COPS5: variants seen among roughly 807,000 people sequenced by gnomAD.
COPS5 encodes the protein COP9 signalosome complex subunit 5.
A neutral mutation model predicts 44.4 loss-of-function variants in COPS5; 8 were observed. The observed-to-expected ratio is 0.18, with a 90% CI of 0.11 to 0.32. The LOEUF is 0.32. Among genes scored for constraint, COPS5 ranks in the 10% least tolerant of loss-of-function variants. The probability of loss-of-function intolerance (pLI) is 1.00; values close to 1 mark genes in which losing one functional copy is unlikely to be tolerated. For missense variants in COPS5, 159 were observed against 406.4 expected, an observed-to-expected ratio of 0.39 and a Z score of 5.23; for synonymous variants, 122 against 142.8, an observed-to-expected ratio of 0.85 and a Z score of 1.04.
At chr8:67,056,636 GAAA>G (rs375914469) in intron 4 of COPS5, 32 bp from the exon 5 acceptor site, 865 of 14,102 alleles carry the variant, frequency 0.061, 21 homozygotes, top group Middle Eastern at 0.17. Context: ...AGAAGATTAA[GAAA>G]AAAAAAAAAA....
chr8:67,061,499 C>G, intron 1 of COPS5: 1 of 433,776 alleles, frequency 2.3e-6, no homozygotes, highest in Non-Finnish European at 4.4e-6. Flanking sequence ...TTTCTGAAAA[C>G]AGCTGCAATC....
At chr8:67,060,439 C>A in intron 1 of COPS5, 1 of 1,288,360 alleles carries the variant, frequency 7.8e-7, no homozygotes, top group Non-Finnish European at 1.0e-6. Context: ...CAGAAAGAAT[C>A]CAAATTTAAT....
At chr8:67,046,610 C>T (rs1372694526) in intron 6 of COPS5, among the ~76,000 whole-genome samples, 1 of 151,834 alleles carries the variant, frequency 6.6e-6, no homozygotes, top group Non-Finnish European at 1.5e-5. Context: ...CACCTGAGGT[C>T]AGGAGTTCGA....
At chr8:67,055,423 T>C (rs576653434) in intron 5 of COPS5, among the ~76,000 whole-genome samples, 51 of 152,254 alleles carry the variant, frequency 3.3e-4, no homozygotes, top group Admixed American at 8.5e-4. Context: ...AAGTGCTTGA[T>C]TGGGGCTCCA....
intron 5 of COPS5, among the ~76,000 whole-genome samples, chr8:67,056,005 T>C (rs559750965): frequency 6.6e-6 from 1 of 152,194 alleles, no homozygotes; most frequent in Admixed American, 6.5e-5. Flanking sequence ...GTAGAAATTA[T>C]ATATTTTGAG....
At chr8:67,047,690 CTTGA>C in intron 6 of COPS5, 1 of 621,984 alleles carries the variant, frequency 1.6e-6, no homozygotes, top group South Asian at 1.8e-5. Flanking sequence ...TTAACCTTTT[CTTGA>C]TTATTAATGT....
intron 6 of COPS5, among the ~76,000 whole-genome samples, chr8:67,050,832 C>A (rs1585710618): frequency 6.6e-6 from 1 of 151,954 alleles, no homozygotes; most frequent in Non-Finnish European, 1.5e-5. Flanking sequence ...GAGTTAAGCC[C>A]TATTCCTCAA....
chr8:67,057,961 T>C, intron 3 of COPS5, 122 bp downstream of exon 3: 1 of 1,018,206 alleles, frequency 9.8e-7, no homozygotes, highest in South Asian at 1.6e-5. Flanking sequence ...GAATTCACAT[T>C]GAAACCTAGG....
In COPS5 at chr8:67,046,375, C is replaced by T. The variant is rs1816699137; in HGVS notation, c.772-415G>A. ...GTCGATAATTCCTACCTTAGAGCTACTGTGAAAGTTAAATGAAGTAATGCA... is the reference window on the plus strand; with the variant it reads ...GTCGATAATTCCTACCTTAGAGCTATTGTGAAAGTTAAATGAAGTAATGCA... On this transcript the variant is annotated intron_variant, in intron 6 of 7. Transcript: ENST00000357849. 2.6e-5 allele frequency among the ~76,000 whole-genome samples: 4 copies of T among 152,120 alleles called. No homozygotes were observed. In the South Asian group the frequency reaches 8.3e-4, roughly 32 times the overall value.
chr8:67,043,430 T>G (rs1585705684), intron 7 of COPS5, 113 bp from the exon 8 acceptor site: 1 of 581,490 alleles, frequency 1.7e-6, no homozygotes, highest in Admixed American at 3.6e-5. Flanking sequence ...TTATTCATAC[T>G]TCTCAAACCA....
intron 1 of COPS5, 83 bp downstream of exon 1, chr8:67,061,771 C>G: frequency 7.2e-7 from 1 of 1,392,160 alleles, no homozygotes; most frequent in Non-Finnish European, 1.0e-6. Flanking sequence ...AAGCTCTTCA[C>G]CCCTTTCACC....
chr8:67,060,396 C>T lies in COPS5; in HGVS notation c.144-951G>A. On this transcript the variant is annotated intron_variant, in intron 1 of 7. Transcript: ENST00000357849. Reference sequence around the variant, plus strand: ...GCAGCCTTACAGAGCAGTCAGTCAACGTCTCTACAAAGCCTTTTTAGATGT... The same window carrying T: ...GCAGCCTTACAGAGCAGTCAGTCAATGTCTCTACAAAGCCTTTTTAGATGT... The T allele has an allele frequency of 7.9e-6, 10 of 1,268,512 alleles. No individual in the cohort carries two copies. In the South Asian group the frequency reaches 1.0e-4, roughly 13 times the overall value. 78.6% of individuals were successfully genotyped at this position (1,268,512 alleles called of 1,614,324 possible).
chr8:67,045,968 G>A lies in COPS5; in HGVS notation c.772-8C>T. 2 of 1,612,544 alleles carry A rather than the reference G, an allele frequency of 1.2e-6. No individual in the cohort carries two copies. Among genetic ancestry groups the A allele is most frequent in the Non-Finnish European group, 1.7e-6 (2 of 1,179,206 alleles). ...AGTGGTATAGTCTGCATTCTGTGGGGAAAGTGGTATTGTGTCACTGCAAAA... is the reference window on the plus strand; with the variant it reads ...AGTGGTATAGTCTGCATTCTGTGGGAAAAGTGGTATTGTGTCACTGCAAAA... On this transcript the variant is annotated splice_region_variant and splice_polypyrimidine_tract_variant and intron_variant, in intron 6 of 7. Transcript: ENST00000357849.
At chr8:67,050,202 C>T (rs1585709838) in intron 6 of COPS5, among the ~76,000 whole-genome samples, 1 of 151,936 alleles carries the variant, frequency 6.6e-6, no homozygotes, top group Non-Finnish European at 1.5e-5. Flanking sequence ...GGGGTTTCAC[C>T]GTGTTAGCCA....
In COPS5 at chr8:67,059,383, G is replaced by T; in HGVS notation, c.206C>A (p.Ala69Asp). 1 of 1,614,132 alleles carries T rather than the reference G, an allele frequency of 6.2e-7. No individual in the cohort carries two copies. The highest frequency in any genetic ancestry group is 1.3e-5 in the African/African-American group (1 of 75,034). The part of the protein sequence containing the change: ...ALALLKMVMH[A>D]RSGGNLEVMG... ...CACTTCCAAGTTGCCTCCCGATCTGGCATGCATCACCATCTTCAGCAGAGC... is the reference window on the plus strand; with the variant it reads ...CACTTCCAAGTTGCCTCCCGATCTGTCATGCATCACCATCTTCAGCAGAGC... Residue 69 changes from alanine (A) to aspartate (D), a missense_variant, in exon 2 of 8, where the codon GCC (alanine) becomes GAC (aspartate). By Grantham distance (126) the Ala-to-Asp change is moderately radical (BLOSUM62 -2). This residue lies in a region of COPS5 where 134 missense variants were observed against 376.7 expected (regional missense o/e 0.36). Coordinates refer to ENST00000357849, the MANE Select transcript of COPS5 (RefSeq NM_006837.3).
chr8:67,050,385 C>T (rs1417986661), intron 6 of COPS5, among the ~76,000 whole-genome samples: 1 of 152,160 alleles, frequency 6.6e-6, no homozygotes, highest in African/African-American at 2.4e-5. Context: ...ATTTTTAGTC[C>T]TTGAGCTCCT....
chr8:67,053,835 T>G (rs552165500), intron 5 of COPS5, among the ~76,000 whole-genome samples: 8 of 151,130 alleles, frequency 5.3e-5, no homozygotes, highest in African/African-American at 1.5e-4. Context: ...TGAAACCCCA[T>G]CTCTACTAAA....
At chr8:67,060,249 T>C in intron 1 of COPS5, 3 of 804,740 alleles carry the variant, frequency 3.7e-6, no homozygotes, top group Non-Finnish European at 4.8e-6. Context: ...ACAGCTAGGA[T>C]GAATATAATT....
chr8:67,047,823 C>T lies in COPS5; in HGVS notation c.772-1863G>A, dbSNP rs189671827. 975 of 702,538 alleles carry T rather than the reference C, an allele frequency of 1.4e-3. 15 individuals carry two copies. In the African/African-American group the frequency reaches 0.015, roughly 11 times the overall value. The allele number at this position is 702,538 out of a possible 1,614,324, so 43.5% of individuals were successfully genotyped here. On this transcript the variant is annotated intron_variant, in intron 6 of 7. Coordinates refer to ENST00000357849, the MANE Select transcript of COPS5 (RefSeq NM_006837.3). ...TAACAGTGTTTTCTCCCCTTGCCAT[C>T]AGGTGTCACTTCTGGCTGCTATTAA...
Sources: allele counts gnomAD v4.1 joint callset (sites outside exome capture counted in the v4.1 genomes callset), GRCh38; gene constraint gnomAD v4.1.1; regional missense constraint gnomAD v4.1.1; transcripts MANE v1.5; gene names NCBI Gene and HGNC (gene_info 2026-07-23, HGNC 2026-07-21).